The following MMP20 variants were observed in gnomAD, a reference collection of about 807,000 sequenced individuals.
MMP20 encodes the protein matrix metallopeptidase 20, also known as matrix metalloproteinase-20.
In MMP20, 50 loss-of-function variants were observed where a neutral mutation model predicts 51.8. The observed-to-expected ratio is 0.97, with a 90% CI of 0.77 to 1.22. The LOEUF is 1.22. MMP20 is among the 50% of genes most tolerant of loss of function. The probability of loss-of-function intolerance (pLI) is 0.00; values close to 1 mark genes in which losing one functional copy is unlikely to be tolerated. For synonymous variants in MMP20, 244 were observed against 216.2 expected (o/e 1.13, Z -1.13); for missense variants, 663 against 601.4 (o/e 1.10, Z -1.07).
At chr11:102,606,840 C>T in intron 5 of MMP20, 164 bp from the exon 6 acceptor site, 1 of 767,182 alleles carries the variant, frequency 1.3e-6, no homozygotes, top group Non-Finnish European at 2.2e-6. Context: ...CTCCTGGTTG[C>T]TGAGCTGTGT....
intron 3 of MMP20, 104 bp downstream of exon 3, chr11:102,611,651 G>C: frequency 7.1e-7 from 1 of 1,410,288 alleles, no homozygotes; most frequent in East Asian, 2.3e-5. Context: ...TCACAGCACT[G>C]TGCGAAGGAG....
In MMP20 at chr11:102,622,897, G is replaced by A. The variant is rs569191729; in HGVS notation, c.126+2297C>T. ...TATATAATGTTTCTATAAATTATAA[G>A]GTGGGATGTTATTAAATAATTGTTT... On this transcript the variant is annotated intron_variant, in intron 1 of 9. Coordinates refer to ENST00000260228, the MANE Select transcript of MMP20 (RefSeq NM_004771.4). Among the ~76,000 whole-genome samples, 3 of 152,326 alleles carry A rather than the reference G, an allele frequency of 2.0e-5. No individual in the cohort carries two copies. In the South Asian group the frequency reaches 6.2e-4, roughly 32 times the overall value.
chr11:102,615,979 T>C lies in MMP20; in HGVS notation c.374+833A>G, dbSNP rs534727950. ...GTTGGACCAACCTGGGGAGGAAGTC[T>C]GCGCTGGCTCCCAGAATCAGGTCTG... is the stretch of plus-strand genomic sequence containing the variant. On this transcript the variant is annotated intron_variant, in intron 2 of 9. Transcript: ENST00000260228. Among the ~76,000 whole-genome samples, 14 of 152,244 alleles carry C rather than the reference T, an allele frequency of 9.2e-5. 1 individual carries two copies. In the South Asian group the frequency reaches 2.9e-3, roughly 32 times the overall value.
In MMP20 at chr11:102,625,186, T is replaced by C; in HGVS notation, c.126+8A>G. The C allele has an allele frequency of 6.2e-7, 1 of 1,613,682 alleles. No individual in the cohort carries two copies. The highest frequency in any genetic ancestry group is 8.5e-7 in the Non-Finnish European group (1 of 1,179,814). ...GAGCAAGAAGGAATTGGGCAAAAAT[T>C]CACAAACCTGTGCGAGGCGGTAGTT... On this transcript the variant is annotated splice_region_variant and intron_variant, in intron 1 of 9. Coordinates refer to ENST00000260228, the MANE Select transcript of MMP20 (RefSeq NM_004771.4).
intron 8 of MMP20, among the ~76,000 whole-genome samples, chr11:102,584,994 T>C (rs1056626713): frequency 1.3e-5 from 2 of 152,186 alleles, no homozygotes; most frequent in African/African-American, 2.4e-5. Flanking sequence ...GCTATCCTTA[T>C]GCAAATATCA....
At chr11:102,583,175 A>G (rs1010403834) in intron 8 of MMP20, among the ~76,000 whole-genome samples, 2 of 152,186 alleles carry the variant, frequency 1.3e-5, no homozygotes, top group Admixed American at 1.3e-4. Context: ...TTGAAAACCC[A>G]TTTATTAAGG....
intron 8 of MMP20, among the ~76,000 whole-genome samples, chr11:102,579,615 T>C (rs1374159168): frequency 6.6e-6 from 1 of 152,184 alleles, no homozygotes; most frequent in Admixed American, 6.5e-5. Context: ...GGCCTGGCCC[T>C]TGTTGTTTAA....
chr11:102,620,325 GC>G (rs1859733787), intron 1 of MMP20, among the ~76,000 whole-genome samples: 1 of 152,158 alleles, frequency 6.6e-6, no homozygotes, highest in African/African-American at 2.4e-5. Context: ...CAAGGTTTTG[GC>G]ATACTTTTCA....
Position 102,579,053 on chromosome 11 carries a change from G to A in MMP20, c.1337C>T (p.Ala446Val). 6.2e-7 allele frequency: 1 copy of A among 1,609,454 alleles called. No individual in the cohort carries two copies. The highest frequency in any genetic ancestry group is 8.5e-7 in the Non-Finnish European group (1 of 1,175,808). The change falls in exon 9 of 10, where the codon GCT becomes GTT. Residue 446 changes from alanine (A) to valine (V), a missense_variant. Physicochemically the swap from Ala to Val is moderately conservative, Grantham distance 64 (BLOSUM62 0). Coordinates refer to ENST00000260228, the MANE Select transcript of MMP20 (RefSeq NM_004771.4). ...GAAACACTTACCATTTAATTCTACA[G>A]CAGCATCGATTTGGCCATTTACTCC... Reference protein sequence around the residue: ...FSGVNGQIDAAVELNGYIYFF... With the variant: ...FSGVNGQIDAVVELNGYIYFF...
At position 102,610,022 on chromosome 11, in the gene MMP20, C is replaced by G. The variant is rs1427683959; in HGVS notation, c.532G>C (p.Asp178His). ...MISFENGDHG[D>H]SYPFDGPRGT... The stretch of plus-strand genomic sequence containing the variant: ...CGAGGCCCATCGAATGGATAGGAAT[C>G]CCCGTGATCTAAACAAGTGGGGAGA... The change falls in exon 4 of 10, where the codon GAT (aspartate) becomes CAT (histidine). Residue 178 changes from aspartate (D) to histidine (H), a missense_variant. Transcript: ENST00000260228. The G allele has an allele frequency of 2.5e-6, 4 of 1,614,070 alleles. No individual in the cohort carries two copies. In the Admixed American group the frequency reaches 6.7e-5, roughly 27 times the overall value.
Position 102,608,691 on chromosome 11 carries a change from C to CAAA in MMP20, c.811+245_811+246insTTT, listed in dbSNP as rs5794187. On this transcript the variant is annotated intron_variant, in intron 5 of 9. Transcript: ENST00000260228. ...CCTGCACTCAAAGGAAAAACATAAACCGACAAATGACTATATTTTCTAAGG... is the reference window on the plus strand; with the variant it reads ...CCTGCACTCAAAGGAAAAACATAAACAAACGACAAATGACTATATTTTCTAAGG... Among the ~76,000 whole-genome samples, 62,804 of 151,850 alleles carry CAAA rather than the reference C, an allele frequency of 0.41. 13,309 individuals carry two copies. Among genetic ancestry groups the CAAA allele is most frequent in the South Asian group, 0.58 (2,808 of 4,806 alleles).
At chr11:102,608,311 G>A (rs1485642044) in intron 5 of MMP20, among the ~76,000 whole-genome samples, 1 of 152,178 alleles carries the variant, frequency 6.6e-6, no homozygotes, top group Non-Finnish European at 1.5e-5. Flanking sequence ...TTTCCCTTAA[G>A]GAAAATTGGA....
chr11:102,602,732 C>A (rs1195491735), intron 6 of MMP20, among the ~76,000 whole-genome samples: 1 of 152,138 alleles, frequency 6.6e-6, no homozygotes, highest in Admixed American at 6.5e-5. Context: ...TATGATCAAC[C>A]TTTATGCTTA....
intron 8 of MMP20, among the ~76,000 whole-genome samples, chr11:102,585,658 C>A (rs1346874648): frequency 1.3e-5 from 2 of 152,104 alleles, no homozygotes; most frequent in East Asian, 3.8e-4. Context: ...GAGATGAGAG[C>A]AGAAATTTTT....
intron 1 of MMP20, among the ~76,000 whole-genome samples, chr11:102,624,014 T>C (rs1859784249): frequency 6.6e-6 from 1 of 152,278 alleles, no homozygotes; most frequent in Non-Finnish European, 1.5e-5. Context: ...AACATGGTTG[T>C]GCTGGGCATC....
intron 8 of MMP20, among the ~76,000 whole-genome samples, chr11:102,588,885 C>A (rs931271483): frequency 6.7e-6 from 1 of 150,232 alleles, no homozygotes; most frequent in Non-Finnish European, 1.5e-5. Context: ...TGAGTCTTTT[C>A]TTTGAGAACT....
Position 102,577,068 on chromosome 11 carries a change from G to A in MMP20, c.*258C>T, listed in dbSNP as rs1333577598. 1.1e-5 allele frequency: 5 copies of A among 440,196 alleles called. No homozygotes were observed. The East Asian group carries it at 2.4e-4, about 21-fold the overall frequency. The allele number at this position is 440,196 out of a possible 1,614,324, so 27.3% of individuals were successfully genotyped here. On this transcript the variant is annotated 3_prime_UTR_variant, in exon 10 of 10. Coordinates refer to ENST00000260228, the MANE Select transcript of MMP20 (RefSeq NM_004771.4). ...AGTATATTAGGTAAGAAAAAATAAT[G>A]GTGTCTAACTGCAGAGTGCATTGTG...
At chr11:102,585,266 A>G (rs1859241983) in intron 8 of MMP20, among the ~76,000 whole-genome samples, 1 of 152,150 alleles carries the variant, frequency 6.6e-6, no homozygotes, top group African/African-American at 2.4e-5. Context: ...GATCTTGCTT[A>G]ATTTCTTTCA....
intron 7 of MMP20, 47 bp from the exon 8 acceptor site, chr11:102,593,642 A>G: frequency 6.3e-7 from 1 of 1,593,328 alleles, no homozygotes; most frequent in Non-Finnish European, 8.6e-7. Flanking sequence ...CCACTTGGTG[A>G]TGCACTTCTC....
Sources: allele counts gnomAD v4.1 joint callset (sites outside exome capture counted in the v4.1 genomes callset), GRCh38; gene constraint gnomAD v4.1.1; transcripts MANE v1.5; gene names NCBI Gene and HGNC (gene_info 2026-07-23, HGNC 2026-07-21).